KLHL29: variants seen among roughly 807,000 people sequenced by gnomAD.
KLHL29 encodes kelch like family member 29.
Under a neutral mutation model 80.4 loss-of-function variants are expected in KLHL29, and 21 were observed. That is an observed-to-expected ratio of 0.26 (90% CI 0.19 to 0.38). The LOEUF is 0.38. KLHL29 is among the 10% of genes least tolerant of loss of function. The pLI is 1.00. For synonymous variants in KLHL29, 511 were observed against 526.8 expected (o/e 0.97, Z 0.41); for missense variants, 867 against 1,223.9 (o/e 0.71, Z 4.35).
At chr2:23,447,650 C>A (rs952173025) in intron 1 of KLHL29, among the ~76,000 whole-genome samples, 3 of 152,164 alleles carry the variant, frequency 2.0e-5, no homozygotes, top group African/African-American at 7.2e-5. Flanking sequence ...GTGTCTAAAC[C>A]GTTATTGTGT....
chr2:23,542,969 G>C (rs1666878389), intron 2 of KLHL29, among the ~76,000 whole-genome samples: 1 of 152,192 alleles, frequency 6.6e-6, no homozygotes, highest in South Asian at 2.1e-4. Flanking sequence ...GTCGGGGCAG[G>C]CTAACTATTG....
intron 3 of KLHL29, among the ~76,000 whole-genome samples, chr2:23,591,009 C>CCTGAGAAATAAAGCAGGAAAAGAAGT (rs937961877): frequency 2.6e-5 from 4 of 152,150 alleles, no homozygotes; most frequent in Admixed American, 6.5e-5. Context: ...CAACGACCCC[C>CCTGAGAAATAAAGCAGGAAAAGAAGT]CTGAGAAATA....
At chr2:23,486,669 A>G (rs2098153383) in intron 2 of KLHL29, among the ~76,000 whole-genome samples, 1 of 152,224 alleles carries the variant, frequency 6.6e-6, no homozygotes, top group Admixed American at 6.5e-5. Flanking sequence ...TAAGCTGCCA[A>G]TAAACAATAA....
chr2:23,424,494 A>AG (rs896233248), intron 1 of KLHL29, among the ~76,000 whole-genome samples: 7 of 152,238 alleles, frequency 4.6e-5, no homozygotes, highest in African/African-American at 1.7e-4. Context: ...TGACAAAGAC[A>AG]GGAAACATAA....
chr2:23,389,703 G>GA (rs1470510050), intron 1 of KLHL29, among the ~76,000 whole-genome samples: 4 of 152,006 alleles, frequency 2.6e-5, no homozygotes, highest in African/African-American at 7.3e-5. Context: ...AAAAAAAGGG[G>GA]GGGGCGGAAT....
intron 2 of KLHL29, among the ~76,000 whole-genome samples, chr2:23,516,545 C>A (rs570162653): frequency 6.6e-6 from 1 of 152,176 alleles, no homozygotes; most frequent in Non-Finnish European, 1.5e-5. Context: ...TGTGCCATGG[C>A]GCAGCAAGCT....
At chr2:23,403,726 A>T (rs2577745) in intron 1 of KLHL29, among the ~76,000 whole-genome samples, 8,626 of 144,014 alleles carry the variant, frequency 0.06, 469 homozygotes, top group African/African-American at 0.15. Flanking sequence ...AGAGAGAGAG[A>T]GTGTGTGTGT....
intron 2 of KLHL29, among the ~76,000 whole-genome samples, chr2:23,521,638 G>T (rs1666107320): frequency 6.6e-6 from 1 of 152,212 alleles, no homozygotes; most frequent in Non-Finnish European, 1.5e-5. Flanking sequence ...TGAGCACTTT[G>T]CAGGCAGGCA....
intron 1 of KLHL29, among the ~76,000 whole-genome samples, chr2:23,412,343 G>T (rs1191399457): frequency 1.3e-5 from 2 of 152,192 alleles, no homozygotes; most frequent in African/African-American, 4.8e-5. Context: ...CAGTGTTTAT[G>T]ATTGCTTGAC....
chr2:23,461,446 C>T (rs1232273188), intron 1 of KLHL29, among the ~76,000 whole-genome samples: 1 of 152,214 alleles, frequency 6.6e-6, no homozygotes. Flanking sequence ...TGCCTCTAGC[C>T]TTAAAGAGTA....
intron 2 of KLHL29, among the ~76,000 whole-genome samples, chr2:23,477,184 C>G (rs10175479): frequency 0.47 from 71,497 of 152,212 alleles, 20,388 homozygotes; most frequent in African/African-American, 0.82. Flanking sequence ...TATTCTCAGC[C>G]GCCCACCCTC....
chr2:23,613,767 A>AAAAAAAAAC (rs1668930843), intron 3 of KLHL29, among the ~76,000 whole-genome samples: 1 of 63,706 alleles, frequency 1.6e-5, no homozygotes, highest in African/African-American at 3.9e-5. Context: ...CCATCTCAAA[A>AAAAAAAAAC]AAAAAAAAAA....
chr2:23,702,792 C>T (rs1217373159), intron 11 of KLHL29, among the ~76,000 whole-genome samples: 1 of 152,212 alleles, frequency 6.6e-6, no homozygotes, highest in African/African-American at 2.4e-5. Context: ...AATGGTGCTT[C>T]ATCCAGCACG....
At chr2:23,420,618 C>A (rs920274) in intron 1 of KLHL29, among the ~76,000 whole-genome samples, 81,915 of 152,086 alleles carry the variant, frequency 0.54, 24,500 homozygotes, top group African/African-American at 0.82. Flanking sequence ...ATTCCAAAGG[C>A]AGAGAGTCCA....
At chr2:23,644,593 ATTGT>A (rs2149160148) in intron 5 of KLHL29, among the ~76,000 whole-genome samples, 2 of 152,340 alleles carry the variant, frequency 1.3e-5, no homozygotes, top group African/African-American at 4.8e-5. Context: ...GCAGCTAAAC[ATTGT>A]CAGCCCTGAG....
intron 1 of KLHL29, among the ~76,000 whole-genome samples, chr2:23,415,262 T>C (rs188627551): frequency 2.3e-4 from 35 of 152,298 alleles, no homozygotes; most frequent in African/African-American, 8.2e-4. Context: ...CGGGCTTAGC[T>C]TCCACAGCAA....
intron 1 of KLHL29, among the ~76,000 whole-genome samples, chr2:23,388,946 TTCC>T (rs1666248986): frequency 6.6e-6 from 1 of 151,572 alleles, no homozygotes; most frequent in African/African-American, 2.4e-5. Context: ...TTTTCCTTCC[TTCC>T]TCCTTTTTGC....
At chr2:23,399,985 G>C (rs1666548229) in intron 1 of KLHL29, among the ~76,000 whole-genome samples, 1 of 152,206 alleles carries the variant, frequency 6.6e-6, no homozygotes. Flanking sequence ...TGGCACTGTG[G>C]TTTGGAGACC....
chr2:23,490,108 G>T (rs555877694), intron 2 of KLHL29, among the ~76,000 whole-genome samples: 1 of 152,336 alleles, frequency 6.6e-6, no homozygotes, highest in South Asian at 2.1e-4. Context: ...GCGTGCAGGC[G>T]CATACATTCT....
Sources: allele counts gnomAD v4.1 joint callset (sites outside exome capture counted in the v4.1 genomes callset), GRCh38; gene constraint gnomAD v4.1.1; transcripts MANE v1.5; gene names NCBI Gene and HGNC (gene_info 2026-07-23, HGNC 2026-07-21).